The following SEMA3E variants were observed in gnomAD, a reference collection of about 807,000 sequenced individuals.
SEMA3E encodes the protein semaphorin 3E, also known as semaphorin-3E.
SEMA3E carries 49 observed loss-of-function variants against 93.6 expected under a neutral mutation model. The observed-to-expected ratio is 0.52, with a 90% CI of 0.42 to 0.66. The LOEUF is 0.66. Among genes scored for constraint, SEMA3E ranks in the 30% least tolerant of loss-of-function variants. The pLI is 0.00. For synonymous variants in SEMA3E, 363 were observed against 330.7 expected, an observed-to-expected ratio of 1.10 and a Z score of -1.06; for missense variants, 906 against 964.8, an observed-to-expected ratio of 0.94 and a Z score of 0.81.
chr7:83,531,642 C>T (rs997546485), intron 1 of SEMA3E, among the ~76,000 whole-genome samples: 6 of 152,126 alleles, frequency 3.9e-5, no homozygotes, highest in African/African-American at 1.2e-4. Flanking sequence ...CGTGAGCCAC[C>T]GTTCCCAGCC....
At chr7:83,381,786 T>TA (rs1427515931) in intron 16 of SEMA3E, among the ~76,000 whole-genome samples, 2 of 151,998 alleles carry the variant, frequency 1.3e-5, no homozygotes. Context: ...TTTTCCTTGA[T>TA]ATAGAAGTCA....
intron 16 of SEMA3E, among the ~76,000 whole-genome samples, chr7:83,369,067 A>G (rs1352940972): frequency 5.9e-5 from 9 of 152,186 alleles, no homozygotes; most frequent in African/African-American, 1.9e-4. Flanking sequence ...TCTACTATAC[A>G]TTCATCTAAC....
chr7:83,447,793 G>C (rs562161867), intron 4 of SEMA3E, among the ~76,000 whole-genome samples: 1 of 152,140 alleles, frequency 6.6e-6, no homozygotes, highest in Non-Finnish European at 1.5e-5. Flanking sequence ...GGTAAGTGCC[G>C]TGCCAAATGA....
At chr7:83,615,916 A>G (rs1293765936) in intron 1 of SEMA3E, among the ~76,000 whole-genome samples, 2 of 152,066 alleles carry the variant, frequency 1.3e-5, no homozygotes, top group Non-Finnish European at 2.9e-5. Flanking sequence ...TATTTACTAC[A>G]CAGAATTTTT....
intron 1 of SEMA3E, among the ~76,000 whole-genome samples, chr7:83,556,137 A>T (rs1791882352): frequency 6.6e-6 from 1 of 152,116 alleles, no homozygotes; most frequent in Non-Finnish European, 1.5e-5. Context: ...ATATGTTCAG[A>T]AACTTACTGA....
At chr7:83,617,665 A>T (rs1793409771) in intron 1 of SEMA3E, among the ~76,000 whole-genome samples, 1 of 147,422 alleles carries the variant, frequency 6.8e-6, no homozygotes, top group Admixed American at 6.9e-5. Context: ...TTAATAAATT[A>T]TTATAGATAA....
intron 4 of SEMA3E, among the ~76,000 whole-genome samples, chr7:83,450,823 G>C (rs907997245): frequency 6.6e-6 from 1 of 152,140 alleles, no homozygotes; most frequent in South Asian, 2.1e-4. Flanking sequence ...GACCAGAAAA[G>C]TAAAAACAAA....
At chr7:83,526,974 G>A (rs1791173670) in intron 1 of SEMA3E, among the ~76,000 whole-genome samples, 1 of 148,060 alleles carries the variant, frequency 6.8e-6, no homozygotes, top group Non-Finnish European at 1.5e-5. Context: ...TTGCGAGTGT[G>A]ACCTTCTTTG....
Position 83,381,714 on chromosome 7 carries a change from C to T in SEMA3E, c.1875+3580G>A, listed in dbSNP as rs548616801. 5.3e-5 allele frequency among the ~76,000 whole-genome samples: 8 copies of T among 151,938 alleles called. No individual in the cohort carries two copies. In the East Asian group the frequency reaches 1.2e-3, roughly 22 times the overall value. The stretch of plus-strand genomic sequence containing the variant: ...ACATTTCTTTTAGTGAAAAAACACC[C>T]AATAAAATTAGATGGAGTACTCTGT... On this transcript the variant is annotated intron_variant, in intron 16 of 16. Coordinates refer to ENST00000643230, the MANE Select transcript of SEMA3E (RefSeq NM_012431.3).
chr7:83,538,189 A>G (rs1408396195), intron 1 of SEMA3E, among the ~76,000 whole-genome samples: 1 of 152,094 alleles, frequency 6.6e-6, no homozygotes, highest in Admixed American at 6.6e-5. Context: ...CTGTGTGAAC[A>G]TGTTTTCATT....
At chr7:83,375,403 T>A (rs1465207138) in intron 16 of SEMA3E, among the ~76,000 whole-genome samples, 1 of 152,072 alleles carries the variant, frequency 6.6e-6, no homozygotes, top group East Asian at 1.9e-4. Context: ...TAAATACATT[T>A]CCTTTAGGCA....
chr7:83,452,304 G>A (rs1446558099), intron 4 of SEMA3E, among the ~76,000 whole-genome samples: 1 of 152,058 alleles, frequency 6.6e-6, no homozygotes, highest in African/African-American at 2.4e-5. Context: ...CTTCTTCCAT[G>A]TATTTATATT....
chr7:83,608,411 A>T (rs1793172653), intron 1 of SEMA3E, among the ~76,000 whole-genome samples: 1 of 152,144 alleles, frequency 6.6e-6, no homozygotes, highest in African/African-American at 2.4e-5. Context: ...GGAAAAATTT[A>T]TTCATAATCC....
chr7:83,431,194 TAAC>T (rs550757697), intron 4 of SEMA3E, among the ~76,000 whole-genome samples: 66 of 149,328 alleles, frequency 4.4e-4, no homozygotes, highest in African/African-American at 1.1e-3. Flanking sequence ...TAATAGCTAA[TAAC>T]AACATTTTAA....
At chr7:83,387,088 C>G (rs1276698218) in intron 14 of SEMA3E, 38 bp from the exon 15 acceptor site, 12 of 1,587,406 alleles carry the variant, frequency 7.6e-6, no homozygotes, top group Non-Finnish European at 1.0e-5. Context: ...TTCATTTTTT[C>G]AATTTTCCAG....
In SEMA3E at chr7:83,366,490, TA is replaced by T. The variant is rs551054103; in HGVS notation, c.*1095del. ...GATATTTGAGAGCAAATCACTTTAA[TA>T]TTTTTTTCACAAATAAAACACGGTT... On this transcript the variant is annotated 3_prime_UTR_variant, in exon 17 of 17. Coordinates refer to ENST00000643230, the MANE Select transcript of SEMA3E (RefSeq NM_012431.3). The T allele has an allele frequency of 4.7e-4, 71 of 152,116 alleles. No homozygotes were observed. The highest frequency in any genetic ancestry group is 1.6e-3 in the African/African-American group (66 of 41,560). 9.4% of individuals were successfully genotyped at this position (152,116 alleles called of 1,614,324 possible). A position where few individuals can be genotyped will look rare whatever the true frequency, so the allele number is the denominator to read the frequency against.
intron 5 of SEMA3E, among the ~76,000 whole-genome samples, chr7:83,410,500 G>C (rs1369599370): frequency 6.6e-6 from 1 of 151,974 alleles, no homozygotes; most frequent in Non-Finnish European, 1.5e-5. Flanking sequence ...GAACTCTTAA[G>C]CATATCATGT....
At chr7:83,479,277 A>G (rs374081835) in intron 2 of SEMA3E, among the ~76,000 whole-genome samples, 1 of 152,162 alleles carries the variant, frequency 6.6e-6, no homozygotes, top group Non-Finnish European at 1.5e-5. Flanking sequence ...AATTTAAAGT[A>G]TATCTCCTCC....
chr7:83,646,869 T>C (rs1416826177), intron 1 of SEMA3E, among the ~76,000 whole-genome samples: 2 of 151,988 alleles, frequency 1.3e-5, no homozygotes, highest in African/African-American at 4.8e-5. Flanking sequence ...AATAATAGGG[T>C]ATAAAATGTT....
Sources: allele counts gnomAD v4.1 joint callset (sites outside exome capture counted in the v4.1 genomes callset), GRCh38; gene constraint gnomAD v4.1.1; transcripts MANE v1.5; gene names NCBI Gene and HGNC (gene_info 2026-07-23, HGNC 2026-07-21).